SEPTIN10: variants seen among roughly 807,000 people sequenced by gnomAD.
The protein encoded by SEPTIN10 is septin-10.
A neutral mutation model predicts 54.8 loss-of-function variants in SEPTIN10; 66 were observed. The observed-to-expected ratio is 1.21, with a 90% CI of 0.99 to 1.48. SEPTIN10 has a LOEUF of 1.48. Among genes scored for constraint, SEPTIN10 ranks in the 40% most tolerant of loss-of-function variants. The probability of loss-of-function intolerance (pLI) is 0.00; values close to 1 mark genes in which losing one functional copy is unlikely to be tolerated. For synonymous variants in SEPTIN10, 161 were observed against 181.0 expected (o/e 0.89, Z 0.89); for missense variants, 620 against 545.6 (o/e 1.14, Z -1.36).
chr2:109,562,477 C>T (rs1398209493), intron 8 of SEPTIN10, among the ~76,000 whole-genome samples: 1 of 152,024 alleles, frequency 6.6e-6, no homozygotes. Flanking sequence ...CACATACACC[C>T]AATGACTAGC....
chr2:109,591,645 CA>C (rs1357106036), intron 2 of SEPTIN10, among the ~76,000 whole-genome samples: 1 of 152,104 alleles, frequency 6.6e-6, no homozygotes, highest in Non-Finnish European at 1.5e-5. Flanking sequence ...GTCTGTAATC[CA>C]AGTGCTTTGG....
rs140399667 is a variant in SEPTIN10, at chr2:109,597,575, TAC to T, written c.31-4458_31-4457del. On this transcript the variant is annotated intron_variant, in intron 1 of 10. Transcript: ENST00000397712. ...CTAACCATCTCAAACCACCTTTGACTACACAGTCAATTTGCTTTTCCTGTAGC... is the reference window on the plus strand; with the variant it reads ...CTAACCATCTCAAACCACCTTTGACTACAGTCAATTTGCTTTTCCTGTAGC... 9.5e-3 allele frequency among the ~76,000 whole-genome samples: 1,441 copies of T among 152,338 alleles called. 62 individuals carry two copies. In the East Asian group the frequency reaches 0.12, roughly 13 times the overall value.
intron 8 of SEPTIN10, among the ~76,000 whole-genome samples, chr2:109,557,762 TATC>T (rs971064553): frequency 2.0e-5 from 3 of 152,222 alleles, no homozygotes; most frequent in African/African-American, 7.2e-5. Flanking sequence ...CATTGTTTCT[TATC>T]ATAGATTTAT....
intron 4 of SEPTIN10, among the ~76,000 whole-genome samples, chr2:109,582,568 T>C (rs1056396446): frequency 6.6e-6 from 1 of 152,152 alleles, no homozygotes; most frequent in Non-Finnish European, 1.5e-5. Context: ...CGATCCTCTC[T>C]CCTTGACCTC....
At chr2:109,579,142 T>G (rs112381646) in intron 4 of SEPTIN10, among the ~76,000 whole-genome samples, 1 of 152,192 alleles carries the variant, frequency 6.6e-6, no homozygotes, top group Admixed American at 6.5e-5. Flanking sequence ...AAGAGTACAT[T>G]ATCAATATAT....
chr2:109,544,986 A>G (rs769526307), intron 10 of SEPTIN10: 85 of 985,344 alleles, frequency 8.6e-5, no homozygotes, highest in Non-Finnish European at 1.0e-4. Flanking sequence ...AAAATCTGCC[A>G]AAGTCCTGTG....
intron 1 of SEPTIN10, among the ~76,000 whole-genome samples, chr2:109,596,567 AGATCGCGCC>A (rs1352241837): frequency 2.6e-5 from 4 of 152,066 alleles, no homozygotes; most frequent in Non-Finnish European, 5.9e-5. Flanking sequence ...CAGTGAGCAG[AGATCGCGCC>A]GCTGCACTCC....
At position 109,574,833 on chromosome 2, in the gene SEPTIN10, T is replaced by A. The variant is rs897108286; in HGVS notation, c.414-66A>T. ...CTACCTTAAGATATCTGTGCAACTCTTAGAAGTTTGAGGTCTATATTTTCA... is the reference window on the plus strand; with the variant it reads ...CTACCTTAAGATATCTGTGCAACTCATAGAAGTTTGAGGTCTATATTTTCA... On this transcript the variant is annotated intron_variant, in intron 4 of 10. Coordinates refer to ENST00000397712, the MANE Select transcript of SEPTIN10 (RefSeq NM_144710.5). The A allele has an allele frequency of 1.5e-5, 18 of 1,212,690 alleles. No homozygotes were observed. In the Admixed American group the frequency reaches 4.1e-4, roughly 28 times the overall value. The allele number at this position is 1,212,690 out of a possible 1,614,324, so 75.1% of individuals were successfully genotyped here. A position where few individuals can be genotyped will look rare whatever the true frequency, so the allele number is the denominator to read the frequency against.
intron 10 of SEPTIN10, chr2:109,545,141 G>C (rs893034746): frequency 1.0e-6 from 1 of 985,176 alleles, no homozygotes; most frequent in African/African-American, 1.7e-5. Context: ...GCTCTGTGGG[G>C]AACATGGGAG....
chr2:109,578,874 A>G (rs1690413548), intron 4 of SEPTIN10, among the ~76,000 whole-genome samples: 1 of 152,232 alleles, frequency 6.6e-6, no homozygotes. Flanking sequence ...TACTAAATGC[A>G]TAAGGCTGAA....
intron 1 of SEPTIN10, among the ~76,000 whole-genome samples, chr2:109,603,491 A>G (rs28477948): frequency 0.91 from 139,012 of 152,102 alleles, 63,672 homozygotes; most frequent in Middle Eastern, 0.97. Context: ...CGCCTGCCTC[A>G]GCCTCCCAAA....
intron 4 of SEPTIN10, among the ~76,000 whole-genome samples, chr2:109,579,994 G>A (rs7423621): frequency 0.068 from 10,258 of 151,636 alleles, 564 homozygotes; most frequent in African/African-American, 0.15. Context: ...GGTGGCAGGC[G>A]CCTGTAATCC....
chr2:109,607,840 T>A (rs1698351557), intron 1 of SEPTIN10, among the ~76,000 whole-genome samples: 1 of 152,296 alleles, frequency 6.6e-6, no homozygotes, highest in African/African-American at 2.4e-5. Context: ...TCCCTAGGCA[T>A]TAGGAAAGTC....
In SEPTIN10 at chr2:109,609,117, T is replaced by A. The variant is rs1348637891; in HGVS notation, c.30+4681A>T. 1.3e-5 allele frequency among the ~76,000 whole-genome samples: 2 copies of A among 152,358 alleles called. 1 individual carries two copies. Among genetic ancestry groups the A allele is most frequent in the Admixed American group, 1.3e-4 (2 of 15,302 alleles). On this transcript the variant is annotated intron_variant, in intron 1 of 10. Transcript: ENST00000397712. ...TATAATGAAAATCGGTCTGGGACTA[T>A]CTGAAAAGTATGACACTATCAGTGT... is the stretch of plus-strand genomic sequence containing the variant.
At chr2:109,564,204 T>C (rs1686361806) in intron 8 of SEPTIN10, 162 bp downstream of exon 8, 1 of 560,384 alleles carries the variant, frequency 1.8e-6, no homozygotes. Context: ...CAAGAAGGAG[T>C]CAAGTGATTC....
At chr2:109,552,694 T>C in intron 9 of SEPTIN10, 1 of 184,184 alleles carries the variant, frequency 5.4e-6, no homozygotes, top group Non-Finnish European at 1.1e-5. Flanking sequence ...TGTTTCTTCT[T>C]TTAGCCTTGG....
intron 4 of SEPTIN10, among the ~76,000 whole-genome samples, chr2:109,582,449 A>C (rs190657435): frequency 2.0e-5 from 3 of 152,234 alleles, no homozygotes; most frequent in Admixed American, 2.0e-4. Flanking sequence ...CCTCCCGAGT[A>C]GCTGGCAGTA....
At chr2:109,576,730 T>C (rs1051717629) in intron 4 of SEPTIN10, among the ~76,000 whole-genome samples, 1 of 152,182 alleles carries the variant, frequency 6.6e-6, no homozygotes, top group Non-Finnish European at 1.5e-5. Context: ...TATTCAAGCA[T>C]GAAAACCGTA....
chr2:109,564,367 T>C lies in SEPTIN10; in HGVS notation c.1027A>G (p.Ser343Gly), dbSNP rs1232520331. The C allele has an allele frequency of 4.5e-6, 7 of 1,553,596 alleles. No individual in the cohort carries two copies. Among genetic ancestry groups the C allele is most frequent in the Admixed American group, 3.7e-5 (2 of 54,314 alleles). ...TDVGPENKPVSVQETYEAKRH... is the reference protein window; with the variant it reads ...TDVGPENKPVGVQETYEAKRH... ...GGCTTCCCAAGAACCCCACCCTACC[T>C]GACTGGCTTGTTTTCTGGGCCCACA... Residue 343 changes from serine to glycine, a missense_variant and splice_region_variant, in exon 8 of 11, where the codon AGT becomes GGT. By Grantham distance (56) the Ser-to-Gly change is moderately conservative (BLOSUM62 0). Transcript: ENST00000397712.
Sources: gnomAD v4.1 joint callset for allele counts (sites outside exome capture counted in the v4.1 genomes callset) on GRCh38, gnomAD v4.1.1 for gene constraint, MANE v1.5 for transcripts, NCBI Gene and HGNC (gene_info 2026-07-23, HGNC 2026-07-21) for gene names.